Variants in ILRUN observed in about 807,000 individuals in gnomAD.
ILRUN encodes the protein inflammation and lipid regulator with UBA-like and NBR1-like domains, also known as protein ILRUN.
ILRUN carries 3 observed loss-of-function variants against 33.8 expected under a neutral mutation model. That is an observed-to-expected ratio of 0.09 (90% CI 0.04 to 0.23). ILRUN has a LOEUF of 0.23. Among genes scored for constraint, ILRUN ranks in the 10% least tolerant of loss-of-function variants. The pLI is 1.00. For synonymous variants in ILRUN, 124 were observed against 138.9 expected (o/e 0.89, Z 0.75); for missense variants, 210 against 375.1 (o/e 0.56, Z 3.64).
chr6:34,617,921 A>G (rs6909068), intron 3 of ILRUN, among the ~76,000 whole-genome samples: 16 of 152,342 alleles, frequency 1.1e-4, no homozygotes, highest in African/African-American at 3.6e-4. Flanking sequence ...TAAGAAAGGC[A>G]CTGATAGGAG....
intron 1 of ILRUN, among the ~76,000 whole-genome samples, chr6:34,687,708 A>AAAATAT (rs1554190347): frequency 3.5e-5 from 5 of 143,338 alleles, no homozygotes; most frequent in African/African-American, 1.3e-4. Context: ...CAAAAAAAAA[A>AAAATAT]ATATATATAT....
At chr6:34,680,295 T>C (rs1458467833) in intron 1 of ILRUN, among the ~76,000 whole-genome samples, 1 of 152,218 alleles carries the variant, frequency 6.6e-6, no homozygotes, top group African/African-American at 2.4e-5. Flanking sequence ...GCCCCACTTT[T>C]ATAAAGCAAG....
At chr6:34,601,487 A>C (rs1027509284) in intron 4 of ILRUN, among the ~76,000 whole-genome samples, 1 of 152,028 alleles carries the variant, frequency 6.6e-6, no homozygotes, top group African/African-American at 2.4e-5. Context: ...AATGCCTCAC[A>C]TAAGCACTAG....
At chr6:34,613,742 G>C (rs1021669381) in intron 3 of ILRUN, among the ~76,000 whole-genome samples, 5 of 152,220 alleles carry the variant, frequency 3.3e-5, no homozygotes, top group African/African-American at 9.6e-5. Context: ...GGAATCAGTT[G>C]TAGATACGTC....
At chr6:34,666,969 T>C (rs760768950) in intron 1 of ILRUN, among the ~76,000 whole-genome samples, 4 of 152,156 alleles carry the variant, frequency 2.6e-5, no homozygotes, top group Non-Finnish European at 5.9e-5. Context: ...TACATGACAC[T>C]GCGTAATTAT....
At chr6:34,648,062 G>A (rs1762594294) in intron 2 of ILRUN, among the ~76,000 whole-genome samples, 2 of 152,194 alleles carry the variant, frequency 1.3e-5, no homozygotes, top group South Asian at 2.1e-4. Flanking sequence ...GTGTTGACTA[G>A]TTCCCACTAG....
At position 34,683,473 on chromosome 6, in the gene ILRUN, C is replaced by CATATATATATACATATATAT. The variant is rs1174245644; in HGVS notation, c.158+12972_158+12973insATATATATGTATATATATAT. On this transcript the variant is annotated intron_variant, in intron 1 of 4. Coordinates refer to ENST00000374023, the MANE Select transcript of ILRUN (RefSeq NM_024294.4). ...ATATACATATATATACATATATATA[C>CATATATATATACATATATAT]ACATATATATATACATATATATATA... 2.7e-3 allele frequency among the ~76,000 whole-genome samples: 260 copies of CATATATATATACATATATAT among 97,782 alleles called. 7 individuals are homozygous for CATATATATATACATATATAT. Among genetic ancestry groups the CATATATATATACATATATAT allele is most frequent in the African/African-American group, 6.9e-3 (135 of 19,670 alleles). The allele number at this position is 97,782 out of a possible 152,430, so 64.1% of individuals were successfully genotyped here. A position where few individuals can be genotyped will look rare whatever the true frequency, so the allele number is the denominator to read the frequency against.
Position 34,616,550 on chromosome 6 carries a change from G to T in ILRUN, c.512-9646C>A, listed in dbSNP as rs111864140. 4,755 of 1,352,236 alleles carry T rather than the reference G, an allele frequency of 3.5e-3. 32 individuals are homozygous for T. Among genetic ancestry groups the T allele is most frequent in the South Asian group, 0.018 (1,576 of 85,516 alleles). The allele number at this position is 1,352,236 out of a possible 1,614,324, so 83.8% of individuals were successfully genotyped here. On this transcript the variant is annotated intron_variant, in intron 3 of 4. Transcript: ENST00000374023. ...TCAGGCTGGAACCATGGAGGGTGTC[G>T]AAGAGAAGAAGGTTCCTGCTGTGCC...
chr6:34,686,633 A>G (rs1329750566), intron 1 of ILRUN: 7 of 212,924 alleles, frequency 3.3e-5, no homozygotes, highest in Admixed American at 4.2e-5. Context: ...CAGACTTTCT[A>G]TAAGAAGTAT....
At position 34,696,706 on chromosome 6, in the gene ILRUN, G is replaced by A; in HGVS notation, c.-103C>T. On this transcript the variant is annotated 5_prime_UTR_variant, in exon 1 of 5. Coordinates refer to ENST00000374023, the MANE Select transcript of ILRUN (RefSeq NM_024294.4). ...GGGGGCCGCTGCTAGCTAGCTTCGC[G>A]ACCCCGCTCCTTTGAGGTAGGCCCC... is the stretch of plus-strand genomic sequence containing the variant. 7.7e-7 allele frequency: 1 copy of A among 1,302,630 alleles called. No homozygotes were observed. Among genetic ancestry groups the A allele is most frequent in the Non-Finnish European group, 1.1e-6 (1 of 950,220 alleles). 80.7% of individuals were successfully genotyped at this position (1,302,630 alleles called of 1,614,324 possible).
At chr6:34,683,121 AAT>A (rs1056665191) in intron 1 of ILRUN, among the ~76,000 whole-genome samples, 1 of 149,958 alleles carries the variant, frequency 6.7e-6, no homozygotes, top group Non-Finnish European at 1.5e-5. Context: ...GTCTCAAAAA[AAT>A]ATATATATAC....
intron 1 of ILRUN, among the ~76,000 whole-genome samples, chr6:34,694,231 T>G: frequency 6.6e-6 from 1 of 152,204 alleles, no homozygotes; most frequent in East Asian, 1.9e-4. Context: ...ATTACACTGC[T>G]TTTGTAGCCA....
rs1362667056 is a variant in ILRUN, at chr6:34,589,613, CAT to C, written c.*950_*951del. On this transcript the variant is annotated 3_prime_UTR_variant, in exon 5 of 5. Transcript: ENST00000374023. ...AGTTGCACCAACACCCGTGTGTGCA[CAT>C]GTGGTGCATACATATAACCAGCACA... The C allele has an allele frequency of 9.8e-5, 15 of 152,390 alleles. No individual in the cohort carries two copies. Among genetic ancestry groups the C allele is most frequent in the African/African-American group, 2.9e-4 (12 of 41,600 alleles). 9.4% of individuals were successfully genotyped at this position (152,390 alleles called of 1,614,324 possible). A position where few individuals can be genotyped will look rare whatever the true frequency, so the allele number is the denominator to read the frequency against.
chr6:34,611,342 T>C (rs534685518), intron 3 of ILRUN, among the ~76,000 whole-genome samples: 2 of 152,234 alleles, frequency 1.3e-5, no homozygotes, highest in East Asian at 1.9e-4. Flanking sequence ...ACATAGATTC[T>C]ACATAGTAGC....
intron 1 of ILRUN, among the ~76,000 whole-genome samples, chr6:34,689,143 T>C (rs185187756): frequency 1.2e-4 from 18 of 152,244 alleles, no homozygotes; most frequent in African/African-American, 3.4e-4. Flanking sequence ...ACACTGTGAA[T>C]GCGCTAAACA....
At chr6:34,607,023 A>G in intron 3 of ILRUN, 119 bp from the exon 4 acceptor site, 2 of 755,034 alleles carry the variant, frequency 2.6e-6, no homozygotes, top group East Asian at 2.7e-5. Context: ...TCTATATGCT[A>G]GTTTTAAAAG....
intron 3 of ILRUN, chr6:34,616,595 C>T (rs1185882220): frequency 6.4e-6 from 10 of 1,570,126 alleles, no homozygotes; most frequent in African/African-American, 4.0e-5. Flanking sequence ...TAAGAAAAAG[C>T]GAAGGAATTT....
chr6:34,681,845 A>ATTTTTTTTTTTTTTTT (rs1168522578), intron 1 of ILRUN, among the ~76,000 whole-genome samples: 1 of 85,404 alleles, frequency 1.2e-5, no homozygotes, highest in Non-Finnish European at 2.2e-5. Flanking sequence ...CCACCACTAC[A>ATTTTTTTTTTTTTTTT]TTTTTTTTTT....
rs1167045634 is a variant in ILRUN, at chr6:34,612,649, G to A, written c.512-5745C>T. Among the ~76,000 whole-genome samples the A allele has an allele frequency of 3.3e-5, 5 of 152,160 alleles. No individual in the cohort carries two copies. In the South Asian group the frequency reaches 1.0e-3, roughly 31 times the overall value. On this transcript the variant is annotated intron_variant, in intron 3 of 4. Transcript: ENST00000374023. ...AGGCCAGGTACAGCAGCTCATGCCT[G>A]TAATGCCAGCACTTTGGGAGGCCAA...
Sources: allele counts gnomAD v4.1 joint callset (sites outside exome capture counted in the v4.1 genomes callset), GRCh38; gene constraint gnomAD v4.1.1; transcripts MANE v1.5; gene names NCBI Gene and HGNC (gene_info 2026-07-23, HGNC 2026-07-21).